RCOR2: variants seen among roughly 807,000 people sequenced by gnomAD.
RCOR2 encodes REST corepressor 2.
Under a neutral mutation model 58.9 loss-of-function variants are expected in RCOR2, and 19 were observed. The observed-to-expected ratio is 0.32, with a 90% CI of 0.23 to 0.47. RCOR2 has a LOEUF of 0.47. Ranked by LOEUF, RCOR2 falls within the 20% of genes least tolerant of loss-of-function variation. RCOR2 has a pLI of 1.00. For synonymous variants in RCOR2, 286 were observed against 278.7 expected (o/e 1.03, Z -0.26); for missense variants, 590 against 707.9 (o/e 0.83, Z 1.89).
Position 63,911,711 on chromosome 11 carries a change from G to T in RCOR2, c.*154C>A. The T allele has an allele frequency of 8.1e-7, 1 of 1,237,368 alleles. No homozygotes were observed. Among genetic ancestry groups the T allele is most frequent in the Non-Finnish European group, 1.0e-6 (1 of 957,384 alleles). The allele number at this position is 1,237,368 out of a possible 1,614,324, so 76.6% of individuals were successfully genotyped here. Reference sequence around the variant, plus strand: ...GGCCCAGCTGCCAGGAACACATGCAGAACCCAAAGGGCGGGGCTGGGCTGT... The same window carrying T: ...GGCCCAGCTGCCAGGAACACATGCATAACCCAAAGGGCGGGGCTGGGCTGT... On this transcript the variant is annotated 3_prime_UTR_variant, in exon 12 of 12. Coordinates refer to ENST00000301459, the MANE Select transcript of RCOR2 (RefSeq NM_173587.4).
chr11:63,926,329 C>G, the RCOR2 span, among the ~76,000 whole-genome samples: 1 of 152,142 alleles, frequency 6.6e-6, no homozygotes, highest in East Asian at 1.9e-4. Flanking sequence ...AAATAATACA[C>G]CTCTCAACAC....
In RCOR2 at chr11:63,916,837, C is replaced by G; in HGVS notation, c.-381G>C. ...CCCACCTGCCCACGCCGTTCAGCGG[C>G]TGGGCGCTGGAGCGCAATCTGCGCC... is the stretch of plus-strand genomic sequence containing the variant. On this transcript the variant is annotated 5_prime_UTR_variant, in exon 1 of 12. Coordinates refer to ENST00000301459, the MANE Select transcript of RCOR2 (RefSeq NM_173587.4). The G allele has an allele frequency of 5.3e-6, 1 of 189,154 alleles. No homozygotes were observed. The highest frequency in any genetic ancestry group is 5.9e-5 in the Admixed American group (1 of 16,826). 11.7% of individuals were successfully genotyped at this position (189,154 alleles called of 1,614,324 possible).
the RCOR2 span, among the ~76,000 whole-genome samples, chr11:63,923,494 C>G: frequency 6.6e-6 from 1 of 152,170 alleles, no homozygotes. Context: ...AGAAACCGTT[C>G]CTCCAAGGTC....
Position 63,911,657 on chromosome 11 carries a change from CCT to C in RCOR2, c.*206_*207del, listed in dbSNP as rs1941758372. Reference sequence around the variant, plus strand: ...GTGCCCTCAGGCCAGCTCAAAGGCCCCTGAGCCCGGCCATGGCCCCAGGAGAC... The same window carrying C: ...GTGCCCTCAGGCCAGCTCAAAGGCCCGAGCCCGGCCATGGCCCCAGGAGAC... On this transcript the variant is annotated 3_prime_UTR_variant, in exon 12 of 12. Transcript: ENST00000301459. The C allele has an allele frequency of 1.3e-6, 1 of 761,286 alleles. No individual in the cohort carries two copies. Among genetic ancestry groups the C allele is most frequent in the East Asian group, 3.6e-5 (1 of 28,080 alleles). The allele number at this position is 761,286 out of a possible 1,614,324, so 47.2% of individuals were successfully genotyped here.
chr11:63,914,135 C>A lies in RCOR2; in HGVS notation c.710G>T (p.Gly237Val). The A allele has an allele frequency of 6.2e-7, 1 of 1,613,892 alleles. No individual in the cohort carries two copies. Among genetic ancestry groups the A allele is most frequent in the East Asian group, 2.2e-5 (1 of 44,880 alleles). Residue 237 changes from glycine (G) to valine (V), a missense_variant, in exon 8 of 12, where the codon GGC (glycine) becomes GTC (valine). Physicochemically the swap from Gly to Val is moderately radical, Grantham distance 109. Transcript: ENST00000301459. Reference sequence around the variant, plus strand: ...CACCTGGACCTCCTTTTTCCCAGGGCCTGGGCGTGCATTCAGGGGCCGAGA... The same window carrying A: ...CACCTGGACCTCCTTTTTCCCAGGGACTGGGCGTGCATTCAGGGGCCGAGA... ...LPSRPLNARP[G>V]PGKKEVQVSQ...
In RCOR2 at chr11:63,914,489, T is replaced by C; in HGVS notation, c.533A>G (p.Lys178Arg). ...SLVKYYYSWKKTRSRTSVMDR... is the reference protein window; with the variant it reads ...SLVKYYYSWKRTRSRTSVMDR... ...CATCACACTAGTTCGGCTGCGGGTC[T>C]TCTTCCAAGAGTAGTAGTATTTCAC... Residue 178 changes from lysine (K) to arginine (R), a missense_variant, in exon 6 of 12, where the codon AAG becomes AGG. Lys to Arg is a conservative substitution (Grantham distance 26, BLOSUM62 2). Around this residue, in one of 3 missense-constraint regions of RCOR2, gnomAD observed 390 missense variants for 478.7 expected, o/e 0.81. Transcript: ENST00000301459. 6.2e-7 allele frequency: 1 copy of C among 1,613,836 alleles called. No individual in the cohort carries two copies. The highest frequency in any genetic ancestry group is 8.5e-7 in the Non-Finnish European group (1 of 1,180,018).
chr11:63,926,365 C>T, the RCOR2 span, among the ~76,000 whole-genome samples: 1 of 152,208 alleles, frequency 6.6e-6, no homozygotes, highest in Non-Finnish European at 1.5e-5. Flanking sequence ...TATGCCTTAG[C>T]TACACTCAGC....
intron 8 of RCOR2, among the ~76,000 whole-genome samples, chr11:63,913,184 A>ATATATT (rs1295322127): frequency 1.8e-4 from 14 of 77,858 alleles, no homozygotes; most frequent in African/African-American, 4.7e-4. Context: ...ATATATATAT[A>ATATATT]TTTTTTTTTT....
upstream of RCOR2, among the ~76,000 whole-genome samples, chr11:63,922,009 T>C (rs1941918085): frequency 6.6e-6 from 1 of 152,202 alleles, no homozygotes; most frequent in African/African-American, 2.4e-5. Context: ...AATGCCATTA[T>C]CTCAAGAGTG....
In RCOR2 at chr11:63,914,833, G is replaced by A; in HGVS notation, c.319-17C>T. On this transcript the variant is annotated splice_polypyrimidine_tract_variant and intron_variant, in intron 4 of 11. Transcript: ENST00000301459. ...GCCCAGCGCCTGGCCCGGGGCAAGG[G>A]GCAGCTGAGCCTGAGCTGCCCCGGC... is the stretch of plus-strand genomic sequence containing the variant. 1.9e-6 allele frequency: 3 copies of A among 1,580,814 alleles called. No homozygotes were observed. Among genetic ancestry groups the A allele is most frequent in the Non-Finnish European group, 1.7e-6 (2 of 1,161,658 alleles).
At chr11:63,925,297 T>C in the RCOR2 span, among the ~76,000 whole-genome samples, 1 of 152,314 alleles carries the variant, frequency 6.6e-6, no homozygotes, top group African/African-American at 2.4e-5. Flanking sequence ...CCTTTTTTGT[T>C]TGGGGATCCA....
In RCOR2 at chr11:63,914,714, C is replaced by T; in HGVS notation, c.421G>A (p.Val141Met). Residue 141 changes from valine (V) to methionine (M), a missense_variant, in exon 5 of 12, where the codon GTG becomes ATG. By Grantham distance (21) the Val-to-Met change is conservative (BLOSUM62 1). Transcript: ENST00000301459. Reference protein sequence around the residue: ...FPDEWTVEDKVLFEQAFGFHG... With the variant: ...FPDEWTVEDKMLFEQAFGFHG... ...AAGCCAAAGGCCTGTTCAAACAGCA[C>T]CTTGTCCTCTACTGTCCACTCGTCA... 1 of 1,613,108 alleles carries T rather than the reference C, an allele frequency of 6.2e-7. No homozygotes were observed. The highest frequency in any genetic ancestry group is 8.5e-7 in the Non-Finnish European group (1 of 1,179,544).
upstream of RCOR2, among the ~76,000 whole-genome samples, chr11:63,918,183 GC>G (rs1303855546): frequency 2.0e-5 from 3 of 148,700 alleles, no homozygotes; most frequent in Admixed American, 2.1e-4. Context: ...ACCCCGCTGT[GC>G]CCAGACTGAG....
intron 8 of RCOR2, among the ~76,000 whole-genome samples, chr11:63,913,372 TAG>T (rs959186624): frequency 6.6e-6 from 1 of 150,876 alleles, no homozygotes; most frequent in Non-Finnish European, 1.5e-5. Flanking sequence ...TTTTTTTTAG[TAG>T]AGACAGGGTT....
chr11:63,913,925 C>G (rs1457536379), intron 8 of RCOR2, 29 bp downstream of exon 8: 5 of 1,606,724 alleles, frequency 3.1e-6, no homozygotes, highest in African/African-American at 1.3e-5. Flanking sequence ...GCCACCTTTG[C>G]ATAGCCCGTT....
At chr11:63,918,676 C>G (rs139245114), upstream of RCOR2, among the ~76,000 whole-genome samples, 1,986 of 152,266 alleles carry the variant, frequency 0.013, 21 homozygotes, top group Middle Eastern at 0.02. Context: ...GTCCCCAGCA[C>G]CTCCACCCTT....
In RCOR2 at chr11:63,916,692, C is replaced by G. The variant is rs990256376; in HGVS notation, c.-236G>C. On this transcript the variant is annotated 5_prime_UTR_variant, in exon 1 of 12. Transcript: ENST00000301459. ...GAAAAGTTTGTGCAGAAGTGGGGGA[C>G]GCAAGGGATGAGCGCAAGGTCCGGT... 1.6e-6 allele frequency: 1 copy of G among 612,164 alleles called. No homozygotes were observed. Among genetic ancestry groups the G allele is most frequent in the Admixed American group, 3.3e-5 (1 of 30,492 alleles). 37.9% of individuals were successfully genotyped at this position (612,164 alleles called of 1,614,324 possible).
chr11:63,912,835 C>G, intron 9 of RCOR2, 35 bp downstream of exon 9: 2 of 1,609,874 alleles, frequency 1.2e-6, no homozygotes, highest in South Asian at 2.2e-5. Flanking sequence ...AGAGAGAAAC[C>G]CCCCTTTGCA....
intron 5 of RCOR2, 48 bp from the exon 6 acceptor site, chr11:63,914,589 C>A: frequency 6.2e-7 from 1 of 1,611,290 alleles, no homozygotes; most frequent in Non-Finnish European, 8.5e-7. Flanking sequence ...GACTCTGGGC[C>A]CCAGGTAAGC....
Sources: allele counts gnomAD v4.1 joint callset (sites outside exome capture counted in the v4.1 genomes callset), GRCh38; gene constraint gnomAD v4.1.1; regional missense constraint gnomAD v4.1.1; transcripts MANE v1.5; gene names NCBI Gene and HGNC (gene_info 2026-07-23, HGNC 2026-07-21).